KCNB2: variants seen among roughly 807,000 people sequenced by gnomAD.
KCNB2 encodes the protein potassium voltage-gated channel subfamily B member 2.
Under a neutral mutation model 61.5 loss-of-function variants are expected in KCNB2, and 15 were observed. The ratio of observed to expected loss-of-function variants is 0.24; its 90% CI spans 0.16 to 0.38. KCNB2 has a LOEUF of 0.38. Ranked by LOEUF, KCNB2 falls within the 10% of genes least tolerant of loss-of-function variation. KCNB2 has a pLI of 1.00. For missense variants in KCNB2, 828 were observed against 1,125.2 expected, an observed-to-expected ratio of 0.74 and a Z score of 3.78; for synonymous variants, 457 against 446.0, an observed-to-expected ratio of 1.02 and a Z score of -0.31.
chr8:72,703,213 C>T (rs1305358488), intron 2 of KCNB2, among the ~76,000 whole-genome samples: 1 of 152,114 alleles, frequency 6.6e-6, no homozygotes, highest in African/African-American at 2.4e-5. Context: ...GGAGTTTAAC[C>T]ATCAGCTTAC....
chr8:72,635,895 C>T, intron 2 of KCNB2, among the ~76,000 whole-genome samples: 1 of 152,162 alleles, frequency 6.6e-6, no homozygotes, highest in Non-Finnish European at 1.5e-5. Context: ...CTGATACCTG[C>T]CCTACTACCT....
At chr8:72,922,123 T>G (rs534037431) in intron 2 of KCNB2, among the ~76,000 whole-genome samples, 11 of 152,280 alleles carry the variant, frequency 7.2e-5, no homozygotes, top group Non-Finnish European at 1.6e-4. Flanking sequence ...TTCCTTGCCT[T>G]TTTTTAGATT....
intron 2 of KCNB2, among the ~76,000 whole-genome samples, chr8:72,724,247 G>A (rs1807596631): frequency 6.6e-6 from 1 of 152,162 alleles, no homozygotes; most frequent in East Asian, 1.9e-4. Flanking sequence ...AATTAAATAT[G>A]AGTGAGTGGT....
intron 2 of KCNB2, among the ~76,000 whole-genome samples, chr8:72,631,796 T>G (rs1419784296): frequency 2.0e-5 from 3 of 152,328 alleles, no homozygotes; most frequent in East Asian, 1.9e-4. Flanking sequence ...TTGATTTCCA[T>G]GTTATTCAGA....
intron 2 of KCNB2, among the ~76,000 whole-genome samples, chr8:72,749,029 GATGTACATAATGTGTAT>G (rs1220195703): frequency 1.3e-5 from 2 of 152,058 alleles, no homozygotes; most frequent in African/African-American, 2.4e-5. Context: ...GGTTTTTTCT[GATGTACATAATGTGTAT>G]AGTACTCCAG....
At chr8:72,833,092 G>A (rs1365985816) in intron 2 of KCNB2, among the ~76,000 whole-genome samples, 2 of 152,298 alleles carry the variant, frequency 1.3e-5, no homozygotes, top group Non-Finnish European at 2.9e-5. Flanking sequence ...TAATGCATAA[G>A]GTTTGACAAG....
At chr8:72,770,274 T>C (rs1808537524) in intron 2 of KCNB2, among the ~76,000 whole-genome samples, 1 of 152,214 alleles carries the variant, frequency 6.6e-6, no homozygotes, top group Admixed American at 6.5e-5. Flanking sequence ...TAATTCTCTA[T>C]ACCCCATGTG....
intron 2 of KCNB2, among the ~76,000 whole-genome samples, chr8:72,722,079 C>G (rs1333740025): frequency 6.6e-6 from 1 of 152,192 alleles, no homozygotes; most frequent in African/African-American, 2.4e-5. Context: ...CTTGCCACAT[C>G]TATGAAAGCT....
chr8:72,745,517 A>T (rs1164983031), intron 2 of KCNB2, among the ~76,000 whole-genome samples: 1 of 152,190 alleles, frequency 6.6e-6, no homozygotes, highest in Non-Finnish European at 1.5e-5. Context: ...TGAAAAAAAT[A>T]CAAATTAGAA....
At chr8:72,589,713 CTGAT>C (rs5892354) in intron 2 of KCNB2, among the ~76,000 whole-genome samples, 18,798 of 152,188 alleles carry the variant, frequency 0.12, 1,554 homozygotes, top group East Asian at 0.47. Context: ...AAATCTAAGA[CTGAT>C]TGTACTTTCT....
At chr8:72,713,944 C>G (rs911630673) in intron 2 of KCNB2, among the ~76,000 whole-genome samples, 1 of 152,098 alleles carries the variant, frequency 6.6e-6, no homozygotes, top group Admixed American at 6.5e-5. Flanking sequence ...ACTAGAATAA[C>G]CAATGCAGAG....
intron 2 of KCNB2, among the ~76,000 whole-genome samples, chr8:72,663,242 T>A (rs1024085789): frequency 1.3e-5 from 2 of 152,208 alleles, no homozygotes; most frequent in Non-Finnish European, 2.9e-5. Context: ...CCCATTTTTT[T>A]AAATAATACA....
chr8:72,817,558 G>C (rs1809421493), intron 2 of KCNB2, among the ~76,000 whole-genome samples: 1 of 152,082 alleles, frequency 6.6e-6, no homozygotes, highest in Non-Finnish European at 1.5e-5. Context: ...ACTTCTTTGA[G>C]GGTGACTGAT....
chr8:72,713,328 G>T (rs570488129), intron 2 of KCNB2, among the ~76,000 whole-genome samples: 1 of 152,204 alleles, frequency 6.6e-6, no homozygotes, highest in Non-Finnish European at 1.5e-5. Context: ...CTCCCAGCAC[G>T]CAGCTTGAGA....
chr8:72,622,496 G>A (rs906131522), intron 2 of KCNB2, among the ~76,000 whole-genome samples: 1 of 152,094 alleles, frequency 6.6e-6, no homozygotes, highest in Non-Finnish European at 1.5e-5. Context: ...AAACATCTTC[G>A]TACAGCTGCA....
At chr8:72,714,513 C>T (rs1807389347) in intron 2 of KCNB2, among the ~76,000 whole-genome samples, 1 of 143,718 alleles carries the variant, frequency 7.0e-6, no homozygotes. Context: ...ATTCAACATT[C>T]TTAAAGAAAA....
chr8:72,737,792 A>G (rs558460674), intron 2 of KCNB2, among the ~76,000 whole-genome samples: 1 of 152,300 alleles, frequency 6.6e-6, no homozygotes, highest in African/African-American at 2.4e-5. Flanking sequence ...AGAATACACA[A>G]AACTCAGTTC....
chr8:72,658,668 A>T (rs117750356), intron 2 of KCNB2, among the ~76,000 whole-genome samples: 2 of 152,332 alleles, frequency 1.3e-5, no homozygotes, highest in East Asian at 3.9e-4. Context: ...TCAAAGCCTC[A>T]AAGAACAGGC....
rs543545518 is a variant in KCNB2, at chr8:72,589,719, G to T, written c.579+21406G>T. Reference sequence around the variant, plus strand: ...CAAAAGTGTAAATCTAAGACTGATTGTACTTTCTTTTGCTCTGAATTTTAT... The same window carrying T: ...CAAAAGTGTAAATCTAAGACTGATTTTACTTTCTTTTGCTCTGAATTTTAT... On this transcript the variant is annotated intron_variant, in intron 2 of 2. Coordinates refer to ENST00000523207, the MANE Select transcript of KCNB2 (RefSeq NM_004770.3). Among the ~76,000 whole-genome samples, 704 of 151,144 alleles carry T rather than the reference G, an allele frequency of 4.7e-3. 1 individual carries two copies. Among genetic ancestry groups the T allele is most frequent in the African/African-American group, 0.016 (675 of 41,294 alleles).
Sources: gnomAD v4.1 joint callset for allele counts (sites outside exome capture counted in the v4.1 genomes callset) on GRCh38, gnomAD v4.1.1 for gene constraint, MANE v1.5 for transcripts, NCBI Gene and HGNC (gene_info 2026-07-23, HGNC 2026-07-21) for gene names.